The following STIM1 variants were observed in gnomAD, a reference collection of about 807,000 sequenced individuals.
The protein encoded by STIM1 is stromal interaction molecule 1.
A neutral mutation model predicts 74.7 loss-of-function variants in STIM1; 25 were observed. The observed-to-expected ratio is 0.33, with a 90% CI of 0.24 to 0.47. The LOEUF is 0.47. Among genes scored for constraint, STIM1 ranks in the 20% least tolerant of loss-of-function variants. The probability of loss-of-function intolerance (pLI) is 1.00; values close to 1 mark genes in which losing one functional copy is unlikely to be tolerated. For missense variants in STIM1, 728 were observed against 920.8 expected (o/e 0.79, Z 2.71); for synonymous variants, 328 against 348.8 (o/e 0.94, Z 0.66).
At chr11:3,956,854 CAGAG>C (rs948195894) in intron 1 of STIM1, among the ~76,000 whole-genome samples, 4 of 97,374 alleles carry the variant, frequency 4.1e-5, no homozygotes, top group Non-Finnish European at 9.5e-5. Flanking sequence ...AAAAAAAAGT[CAGAG>C]AGGAGAAACC....
intron 1 of STIM1, among the ~76,000 whole-genome samples, chr11:3,956,842 A>G (rs1264910575): frequency 4.0e-5 from 6 of 149,064 alleles, no homozygotes; most frequent in African/African-American, 1.5e-4. Flanking sequence ...AAAAAAAAAA[A>G]AAAAAAAAAG....
At chr11:3,959,355 T>C (rs747028340) in intron 1 of STIM1, among the ~76,000 whole-genome samples, 2 of 152,218 alleles carry the variant, frequency 1.3e-5, no homozygotes, top group Non-Finnish European at 2.9e-5. Context: ...TGGATATTGG[T>C]GGTGGGAATT....
Position 4,070,134 on chromosome 11 carries a change from TGAA to T in STIM1, c.728_730del (p.Lys243del), listed in dbSNP as rs1424195254. 3.7e-6 allele frequency: 6 copies of T among 1,613,992 alleles called. No homozygotes were observed. The highest frequency in any genetic ancestry group is 3.4e-6 in the Non-Finnish European group (4 of 1,180,032). On this transcript the variant is annotated inframe_deletion, in exon 6 of 13. Coordinates refer to ENST00000526596, the MANE Select transcript of STIM1 (RefSeq NM_001382567.1). ...CAGAACCGTTACTCCAAGGAGCACA[TGAA>T]GAAGATGATGAAGGACTTGGAGGGG...
intron 1 of STIM1, among the ~76,000 whole-genome samples, chr11:3,898,072 C>T (rs535476558): frequency 3.3e-5 from 5 of 152,184 alleles, no homozygotes; most frequent in Non-Finnish European, 5.9e-5. Flanking sequence ...AGTTCTAGAT[C>T]CTTGAGGAAT....
chr11:4,091,248 G>T, intron 12 of STIM1, 34 bp from the exon 13 acceptor site: 2 of 1,613,380 alleles, frequency 1.2e-6, no homozygotes. Flanking sequence ...TCCAATATAT[G>T]TCCCTTTCTT....
intron 2 of STIM1, among the ~76,000 whole-genome samples, chr11:3,993,304 C>T (rs1012258553): frequency 3.9e-5 from 6 of 152,110 alleles, no homozygotes; most frequent in East Asian, 1.9e-4. Context: ...TAGCTTTTGC[C>T]GCTGCCTGGA....
At chr11:4,055,826 C>A (rs2094284968) in intron 4 of STIM1, among the ~76,000 whole-genome samples, 189 bp downstream of exon 4, 1 of 152,200 alleles carries the variant, frequency 6.6e-6, no homozygotes, top group African/African-American at 2.4e-5. Context: ...TATCCACTCT[C>A]TTCTTTAATA....
intron 9 of STIM1, 59 bp from the exon 10 acceptor site, chr11:4,083,204 C>A: frequency 6.5e-7 from 1 of 1,546,958 alleles, no homozygotes; most frequent in Non-Finnish European, 8.9e-7. Context: ...GAAGAGGCTT[C>A]ATTCCTATTG....
chr11:4,000,027 G>A (rs1053795405), intron 2 of STIM1, among the ~76,000 whole-genome samples: 3 of 152,122 alleles, frequency 2.0e-5, no homozygotes, highest in African/African-American at 7.2e-5. Flanking sequence ...CAGCGAGGCT[G>A]GGGGAGGGGC....
At chr11:4,009,947 G>C (rs2093819768) in intron 2 of STIM1, among the ~76,000 whole-genome samples, 1 of 151,972 alleles carries the variant, frequency 6.6e-6, no homozygotes. Flanking sequence ...CAAGTAGTTG[G>C]GACCACAAGT....
chr11:3,881,313 T>C (rs1234665111), intron 1 of STIM1, among the ~76,000 whole-genome samples: 2 of 152,240 alleles, frequency 1.3e-5, no homozygotes, highest in Admixed American at 6.5e-5. Context: ...ATTTACCTAT[T>C]CTGGATATTT....
chr11:4,074,219 A>G (rs2094423584), intron 6 of STIM1, among the ~76,000 whole-genome samples: 1 of 152,174 alleles, frequency 6.6e-6, no homozygotes, highest in Non-Finnish European at 1.5e-5. Flanking sequence ...GGTACTTGTT[A>G]TGATTTTAGT....
intron 1 of STIM1, among the ~76,000 whole-genome samples, chr11:3,933,474 C>A (rs530111047): frequency 3.7e-4 from 57 of 152,292 alleles, no homozygotes; most frequent in African/African-American, 1.3e-3. Flanking sequence ...GAGTTTAGGT[C>A]CAACTCTAAA....
intron 3 of STIM1, among the ~76,000 whole-genome samples, chr11:4,027,314 CT>C (rs1452957158): frequency 5.9e-5 from 9 of 151,748 alleles, no homozygotes; most frequent in Admixed American, 5.9e-4. Flanking sequence ...TCTTTTTTTT[CT>C]TTTTTCTTTT....
At chr11:4,043,713 T>A (rs1311584752) in intron 3 of STIM1, among the ~76,000 whole-genome samples, 1 of 152,184 alleles carries the variant, frequency 6.6e-6, no homozygotes, top group African/African-American at 2.4e-5. Context: ...AGGTAGATTA[T>A]GTCATTAAAA....
intron 2 of STIM1, among the ~76,000 whole-genome samples, chr11:4,007,583 T>A (rs2093794958): frequency 6.6e-6 from 1 of 152,190 alleles, no homozygotes. Flanking sequence ...ATAAGACTGA[T>A]AAAGGTATTC....
At chr11:3,993,093 C>G (rs562523140) in intron 2 of STIM1, among the ~76,000 whole-genome samples, 1 of 151,348 alleles carries the variant, frequency 6.6e-6, no homozygotes, top group East Asian at 1.9e-4. Context: ...TAAACCAGAT[C>G]ATTTCACTCT....
intron 3 of STIM1, among the ~76,000 whole-genome samples, chr11:4,036,051 ATG>A (rs1245436036): frequency 6.6e-6 from 1 of 151,824 alleles, no homozygotes; most frequent in Non-Finnish European, 1.5e-5. Flanking sequence ...GTTCCCCCTG[ATG>A]TGTCTGTGTG....
At chr11:4,054,007 A>G (rs1459556983) in intron 3 of STIM1, among the ~76,000 whole-genome samples, 2 of 152,252 alleles carry the variant, frequency 1.3e-5, no homozygotes, top group East Asian at 1.9e-4. Flanking sequence ...CACTAGCCAC[A>G]TCTAGCTATT....
Sources: gnomAD v4.1 joint callset for allele counts (sites outside exome capture counted in the v4.1 genomes callset) on GRCh38, gnomAD v4.1.1 for gene constraint, MANE v1.5 for transcripts, NCBI Gene and HGNC (gene_info 2026-07-23, HGNC 2026-07-21) for gene names.